WDFY3: variants seen among roughly 807,000 people sequenced by gnomAD.
WDFY3 encodes the protein WD repeat and FYVE domain-containing protein 3.
Under a neutral mutation model 409.6 loss-of-function variants are expected in WDFY3, and 66 were observed. The ratio of observed to expected loss-of-function variants is 0.16; its 90% confidence interval spans 0.13 to 0.20. WDFY3 has a LOEUF of 0.20. WDFY3 is among the 10% of genes least tolerant of loss of function. The pLI is 1.00. For missense variants in WDFY3, 3,031 were observed against 4,298.1 expected (o/e 0.71, Z 8.24); for synonymous variants, 1,521 against 1,537.1 (o/e 0.99, Z 0.25).
At position 84,753,883 on chromosome 4, in the gene WDFY3, T is replaced by A. The variant is rs773128132; in HGVS notation, c.5560-7A>T. ...CTTCTTCTGATTGCCAAGGCTGTTATGGGGACATGAGAGGAAACACTATGT... is the reference window on the plus strand; with the variant it reads ...CTTCTTCTGATTGCCAAGGCTGTTAAGGGGACATGAGAGGAAACACTATGT... On this transcript the variant is annotated splice_polypyrimidine_tract_variant and splice_region_variant and intron_variant, in intron 34 of 67. Coordinates refer to ENST00000295888, the MANE Select transcript of WDFY3 (RefSeq NM_014991.6). 6.3e-6 allele frequency: 10 copies of A among 1,578,280 alleles called. No individual in the cohort carries two copies. The South Asian group carries it at 1.2e-4, about 19-fold the overall frequency.
chr4:84,833,001 T>C (rs755514913), intron 7 of WDFY3, among the ~76,000 whole-genome samples: 5 of 152,018 alleles, frequency 3.3e-5, no homozygotes, highest in Non-Finnish European at 7.4e-5. Flanking sequence ...GATATTAGAG[T>C]ATAAATAATC....
intron 3 of WDFY3, among the ~76,000 whole-genome samples, chr4:84,871,783 TACC>T (rs1386730032): frequency 6.6e-6 from 1 of 152,048 alleles, no homozygotes; most frequent in African/African-American, 2.4e-5. Context: ...TACAGGAGCA[TACC>T]ACCACGGCCA....
intron 17 of WDFY3, 114 bp downstream of exon 17, chr4:84,801,536 T>A: frequency 9.4e-7 from 1 of 1,068,466 alleles, no homozygotes; most frequent in Non-Finnish European, 1.3e-6. Context: ...TTTGTTATAT[T>A]TTGCCCATAG....
At position 84,808,353 on chromosome 4, in the gene WDFY3, G is replaced by C. The variant is rs373287849; in HGVS notation, c.2410C>G (p.Pro804Ala). ...CAGTACCTTTTCCTGGACAAAGCTG[G>C]TGTACCCCAAGGAGAGGGGAGAGAA... ...ESSLPSPWGT[P>A]ALSRKRHAYH... is the part of the protein sequence containing the mutation. The change falls in exon 15 of 68, where the codon CCA becomes GCA. Residue 804 changes from proline to alanine, a missense_variant. Pro to Ala is a conservative substitution (Grantham distance 27). Around this residue, in one of 16 missense-constraint regions of WDFY3, gnomAD observed 1,322 missense variants for 1,697.9 expected, o/e 0.78. Transcript: ENST00000295888. The C allele has an allele frequency of 1.4e-5, 23 of 1,613,764 alleles. No individual in the cohort carries two copies. Among genetic ancestry groups the C allele is most frequent in the African/African-American group, 2.7e-5 (2 of 74,896 alleles).
chr4:84,847,813 A>C (rs1223185757), intron 5 of WDFY3, among the ~76,000 whole-genome samples: 4 of 149,604 alleles, frequency 2.7e-5, no homozygotes, highest in Admixed American at 2.7e-4. Flanking sequence ...AAAAAAAAAC[A>C]AAAAAAACCC....
chr4:84,816,057 A>G lies in WDFY3; in HGVS notation c.1887+1335T>C, dbSNP rs189070064. Among the ~76,000 whole-genome samples, 424 of 151,658 alleles carry G rather than the reference A, an allele frequency of 2.8e-3. 3 individuals are homozygous for G. Among genetic ancestry groups the G allele is most frequent in the African/African-American group, 8.1e-3 (335 of 41,372 alleles). On this transcript the variant is annotated intron_variant, in intron 13 of 67. Transcript: ENST00000295888. Reference sequence around the variant, plus strand: ...CTTACTTAATTGCTTATTTTCTTTGATCTCTTCTTTACTTTTTCAAGGCTA... The same window carrying G: ...CTTACTTAATTGCTTATTTTCTTTGGTCTCTTCTTTACTTTTTCAAGGCTA...
intron 3 of WDFY3, among the ~76,000 whole-genome samples, chr4:84,889,371 G>A (rs1478156152): frequency 1.3e-5 from 2 of 152,020 alleles, no homozygotes; most frequent in Non-Finnish European, 2.9e-5. Context: ...ACTACGAATC[G>A]TTATGCAAAA....
Position 84,670,199 on chromosome 4 carries a change from G to A in WDFY3, c.*2669C>T, listed in dbSNP as rs553411951. Reference sequence around the variant, plus strand: ...ACTACATAGAAATGTTAGAATACATGGATGAACAAATGAACAGGTGGATGG... The same window carrying A: ...ACTACATAGAAATGTTAGAATACATAGATGAACAAATGAACAGGTGGATGG... On this transcript the variant is annotated 3_prime_UTR_variant, in exon 68 of 68. Transcript: ENST00000295888. 6.5e-5 allele frequency: 10 copies of A among 152,708 alleles called. No homozygotes were observed. In the East Asian group the frequency reaches 1.7e-3, roughly 27 times the overall value. 9.5% of individuals were successfully genotyped at this position (152,708 alleles called of 1,614,324 possible).
At position 84,777,015 on chromosome 4, in the gene WDFY3, A is replaced by AT. The variant is rs532620890; in HGVS notation, c.4518+1487dup. On this transcript the variant is annotated intron_variant, in intron 27 of 67. Coordinates refer to ENST00000295888, the MANE Select transcript of WDFY3 (RefSeq NM_014991.6). Reference sequence around the variant, plus strand: ...AGAAGCAGAAAAGGCAGACTACGAAATGTGAAAGTAGAACCTATATGACAA... The same window carrying AT: ...AGAAGCAGAAAAGGCAGACTACGAAATTGTGAAAGTAGAACCTATATGACAA... Among the ~76,000 whole-genome samples the AT allele has an allele frequency of 2.0e-3, 308 of 152,240 alleles. No individual in the cohort carries two copies. In the Middle Eastern group the frequency reaches 0.02, roughly 10 times the overall value.
At chr4:84,950,364 A>T (rs1773450880) in intron 1 of WDFY3, among the ~76,000 whole-genome samples, 1 of 151,986 alleles carries the variant, frequency 6.6e-6, no homozygotes, top group Admixed American at 6.6e-5. Context: ...ATGTATACCT[A>T]TGTAACAAAC....
rs576220210 is a variant in WDFY3, at chr4:84,708,248, C to T, written c.8217+661G>A. ...CTTCTTGGAATAGTATAAAAAATTTCTTTTATATGGCAGGAACATTTTGTA... is the reference window on the plus strand; with the variant it reads ...CTTCTTGGAATAGTATAAAAAATTTTTTTTATATGGCAGGAACATTTTGTA... On this transcript the variant is annotated intron_variant, in intron 53 of 67. Transcript: ENST00000295888. Among the ~76,000 whole-genome samples the T allele has an allele frequency of 2.0e-5, 3 of 152,256 alleles. No homozygotes were observed. In the South Asian group the frequency reaches 6.2e-4, roughly 32 times the overall value.
chr4:84,746,559 A>G (rs1739479270), intron 36 of WDFY3, among the ~76,000 whole-genome samples: 1 of 152,178 alleles, frequency 6.6e-6, no homozygotes, highest in African/African-American at 2.4e-5. Flanking sequence ...CTTCTGATTC[A>G]TCTCAATAAA....
chr4:84,724,280 A>G (rs1260560660), intron 46 of WDFY3, 146 bp downstream of exon 46: 1 of 875,704 alleles, frequency 1.1e-6, no homozygotes, highest in Non-Finnish European at 1.6e-6. Flanking sequence ...AAAGAAATCA[A>G]TCTTTAAGAA....
At position 84,817,477 on chromosome 4, in the gene WDFY3, T is replaced by A; in HGVS notation, c.1802A>T (p.Asn601Ile). Reference sequence around the variant, plus strand: ...GAGAGTGCCCATGTCATCGTCCCCATTTGGGGAGAGCACCAGCTGTTGGAT... The same window carrying A: ...GAGAGTGCCCATGTCATCGTCCCCAATTGGGGAGAGCACCAGCTGTTGGAT... Reference protein sequence around the residue: ...MTIQQLVLSPNGDDDMGTLLG... With the variant: ...MTIQQLVLSPIGDDDMGTLLG... The change falls in exon 13 of 68, where the codon AAT becomes ATT. Residue 601 changes from asparagine (N) to isoleucine (I), a missense_variant. By Grantham distance (149) the Asn-to-Ile change is moderately radical. Around this residue, in one of 16 missense-constraint regions of WDFY3, gnomAD observed 1,322 missense variants for 1,697.9 expected, o/e 0.78. Transcript: ENST00000295888. The A allele has an allele frequency of 1.2e-6, 2 of 1,613,720 alleles. No individual in the cohort carries two copies. The highest frequency in any genetic ancestry group is 1.7e-6 in the Non-Finnish European group (2 of 1,179,750).
intron 5 of WDFY3, among the ~76,000 whole-genome samples, chr4:84,843,267 A>G (rs1757630935): frequency 6.6e-6 from 1 of 152,266 alleles, no homozygotes; most frequent in Admixed American, 6.5e-5. Context: ...AAAACAAACT[A>G]TCTTTACATA....
chr4:84,918,227 A>G (rs1768765982), intron 2 of WDFY3, among the ~76,000 whole-genome samples: 1 of 152,164 alleles, frequency 6.6e-6, no homozygotes, highest in African/African-American at 2.4e-5. Context: ...ATACACCTCC[A>G]GCAGTATGAA....
chr4:84,803,391 T>C lies in WDFY3; in HGVS notation c.2506A>G (p.Thr836Ala), dbSNP rs772050330. 3.7e-6 allele frequency: 6 copies of C among 1,614,046 alleles called. No homozygotes were observed. Among genetic ancestry groups the C allele is most frequent in the Non-Finnish European group, 3.4e-6 (4 of 1,179,998 alleles). ...NVADLKLHVT[T>A]SSLQSSDAVI... ...GCATCAGAACTCTGCAGAGATGAAG[T>C]TGTCACATGTAGTTTCAGGTCGGCA... Residue 836 changes from threonine to alanine, a missense_variant, in exon 16 of 68, where the codon ACT (threonine) becomes GCT (alanine). Thr to Ala is a moderately conservative substitution (Grantham distance 58). Coordinates refer to ENST00000295888, the MANE Select transcript of WDFY3 (RefSeq NM_014991.6).
At chr4:84,685,882 G>A (rs971875092) in intron 62 of WDFY3, among the ~76,000 whole-genome samples, 1 of 152,138 alleles carries the variant, frequency 6.6e-6, no homozygotes, top group Non-Finnish European at 1.5e-5. Flanking sequence ...TTTAAGTTAA[G>A]AACAACCCCA....
chr4:84,729,323 C>T (rs1239957274), intron 44 of WDFY3, among the ~76,000 whole-genome samples: 1 of 151,910 alleles, frequency 6.6e-6, no homozygotes, highest in African/African-American at 2.4e-5. Context: ...CCCAGGCTTA[C>T]ATCTTACACT....
Sources: gnomAD v4.1 joint callset for allele counts (sites outside exome capture counted in the v4.1 genomes callset) on GRCh38, gnomAD v4.1.1 for gene constraint, gnomAD v4.1.1 regional missense constraint, MANE v1.5 for transcripts, NCBI Gene and HGNC (gene_info 2026-07-23, HGNC 2026-07-21) for gene names.